XRN2: variants seen among roughly 807,000 people sequenced by gnomAD.
The protein encoded by XRN2 is DHM1-like protein.
XRN2 carries 44 observed loss-of-function variants against 138.5 expected under a neutral mutation model. The observed-to-expected ratio is 0.32, with a 90% confidence interval of 0.25 to 0.41. The LOEUF is 0.41. XRN2 is among the 10% of genes least tolerant of loss of function. XRN2 has a pLI of 1.00. For synonymous variants in XRN2, 354 were observed against 369.4 expected (o/e 0.96, Z 0.48); for missense variants, 937 against 1,169.3 (o/e 0.80, Z 2.90).
chr20:21,332,230 G>T lies in XRN2; in HGVS notation c.701-53G>T. 3.2e-6 allele frequency: 5 copies of T among 1,572,216 alleles called. No individual in the cohort carries two copies. The South Asian group carries it at 4.8e-5, about 15-fold the overall frequency. The stretch of plus-strand genomic sequence containing the variant: ...GGCATCTCATAGTAGTTTATGGTAA[G>T]ACTTCTCTCAGAATACTCACTGTTC... On this transcript the variant is annotated intron_variant, in intron 8 of 29. Coordinates refer to ENST00000377191, the MANE Select transcript of XRN2 (RefSeq NM_012255.5).
At chr20:21,303,729 C>A in intron 1 of XRN2, 1 of 1,232,060 alleles carries the variant, frequency 8.1e-7, no homozygotes, top group Non-Finnish European at 1.0e-6. Flanking sequence ...GGTCGCTCCT[C>A]CCCTACTCGC....
At chr20:21,318,768 T>G (rs2037996360) in intron 1 of XRN2, among the ~76,000 whole-genome samples, 1 of 152,142 alleles carries the variant, frequency 6.6e-6, no homozygotes, top group Non-Finnish European at 1.5e-5. Context: ...GCCAATTTTT[T>G]TTTCTCTTAA....
chr20:21,364,935 A>C (rs73130999), intron 24 of XRN2, among the ~76,000 whole-genome samples: 20,673 of 152,054 alleles, frequency 0.14, 1,788 homozygotes, highest in Non-Finnish European at 0.19. Flanking sequence ...TGTTAAGTCC[A>C]TCCCCCCCGC....
chr20:21,348,792 C>T (rs1397676204), intron 19 of XRN2, among the ~76,000 whole-genome samples: 23 of 151,982 alleles, frequency 1.5e-4, no homozygotes, highest in Non-Finnish European at 2.9e-4. Context: ...TATAGGTGCT[C>T]GCCACCACGC....
At chr20:21,383,177 G>A (rs1303789747) in intron 28 of XRN2, among the ~76,000 whole-genome samples, 1 of 152,120 alleles carries the variant, frequency 6.6e-6, no homozygotes, top group Non-Finnish European at 1.5e-5. Context: ...AATGCAATAC[G>A]ACTAGCAATG....
chr20:21,309,733 C>T (rs2037853290), intron 1 of XRN2, among the ~76,000 whole-genome samples: 1 of 151,824 alleles, frequency 6.6e-6, no homozygotes, highest in African/African-American at 2.4e-5. Flanking sequence ...TGTTTTCACT[C>T]CTGTTTTTAC....
intron 24 of XRN2, among the ~76,000 whole-genome samples, chr20:21,363,224 C>T (rs1014495941): frequency 6.6e-6 from 1 of 152,100 alleles, no homozygotes; most frequent in African/African-American, 2.4e-5. Flanking sequence ...CACTTTCTTC[C>T]TTATTTCCCT....
intron 24 of XRN2, among the ~76,000 whole-genome samples, chr20:21,364,446 G>A (rs902029328): frequency 1.3e-5 from 2 of 152,042 alleles, no homozygotes; most frequent in African/African-American, 2.4e-5. Context: ...CCACTACCAC[G>A]GCTATCACTA....
intron 24 of XRN2, among the ~76,000 whole-genome samples, chr20:21,362,898 A>AT (rs1391596560): frequency 6.6e-6 from 1 of 152,064 alleles, no homozygotes; most frequent in African/African-American, 2.4e-5. Flanking sequence ...CTCACTCATC[A>AT]TTTTTTGTAG....
intron 28 of XRN2, among the ~76,000 whole-genome samples, chr20:21,385,272 G>T (rs560283518): frequency 1.3e-5 from 2 of 152,252 alleles, no homozygotes; most frequent in Non-Finnish European, 2.9e-5. Context: ...TTTTTAGCCC[G>T]TGGGTTTTGC....
At position 21,364,085 on chromosome 20, in the gene XRN2, C is replaced by G. The variant is rs1174006328; in HGVS notation, c.2256-1336C>G. On this transcript the variant is annotated intron_variant, in intron 24 of 29. Transcript: ENST00000377191. ...TAGCTGGGACTACAGGCGCCCGCCA[C>G]CACGCCCAGCTAATTTTTTGTATTT... Among the ~76,000 whole-genome samples, 4 of 152,232 alleles carry G rather than the reference C, an allele frequency of 2.6e-5. No individual in the cohort carries two copies. In the East Asian group the frequency reaches 7.7e-4, roughly 29 times the overall value.
rs761622310 is a variant in XRN2, at chr20:21,377,264, C to CTTTTT, written c.2585-4720_2585-4716dup. ...CCAACATATGATTTGTCGGTTTTTTCTTTTTTTTTTTTTTGGTCAGTCTTG... is the reference window on the plus strand; with the variant it reads ...CCAACATATGATTTGTCGGTTTTTTCTTTTTTTTTTTTTTTTTTTGGTCAGTCTTG... On this transcript the variant is annotated intron_variant, in intron 27 of 29. Transcript: ENST00000377191. Among the ~76,000 whole-genome samples, 151 of 82,796 alleles carry CTTTTT rather than the reference C, an allele frequency of 1.8e-3. 14 individuals carry two copies. Among genetic ancestry groups the CTTTTT allele is most frequent in the African/African-American group, 1.7e-3 (31 of 18,682 alleles). The allele number at this position is 82,796 out of a possible 152,430, so 54.3% of individuals were successfully genotyped here. A position where few individuals can be genotyped will look rare whatever the true frequency, so the allele number is the denominator to read the frequency against.
chr20:21,333,685 C>T lies in XRN2; in HGVS notation c.934-19C>T, dbSNP rs760245936. On this transcript the variant is annotated intron_variant, in intron 10 of 29. Coordinates refer to ENST00000377191, the MANE Select transcript of XRN2 (RefSeq NM_012255.5). ...GTGCCTTTGATAGCTGTAATGGCAGCATTCCTTTTTGGTTGTAGTATTTGG... is the reference window on the plus strand; with the variant it reads ...GTGCCTTTGATAGCTGTAATGGCAGTATTCCTTTTTGGTTGTAGTATTTGG... 2 of 1,613,912 alleles carry T rather than the reference C, an allele frequency of 1.2e-6. No individual in the cohort carries two copies. The highest frequency in any genetic ancestry group is 3.3e-5 in the Admixed American group (2 of 60,024).
At chr20:21,367,545 A>G (rs945943690) in intron 26 of XRN2, among the ~76,000 whole-genome samples, 9 of 151,410 alleles carry the variant, frequency 5.9e-5, no homozygotes, top group Admixed American at 2.0e-4. Flanking sequence ...CACTTAATAT[A>G]CTTGTGAACT....
intron 27 of XRN2, among the ~76,000 whole-genome samples, chr20:21,381,162 G>C (rs1347461939): frequency 6.6e-6 from 1 of 152,146 alleles, no homozygotes; most frequent in Non-Finnish European, 1.5e-5. Flanking sequence ...ATGTGAGCCT[G>C]AATACATTAT....
chr20:21,355,292 T>TA (rs2038562604), intron 21 of XRN2, among the ~76,000 whole-genome samples: 2 of 152,298 alleles, frequency 1.3e-5, no homozygotes, highest in Admixed American at 1.3e-4. Context: ...CATATGCTCT[T>TA]AGAGTGCTAA....
At chr20:21,381,005 T>TAA (rs2038876836) in intron 27 of XRN2, among the ~76,000 whole-genome samples, 1 of 152,234 alleles carries the variant, frequency 6.6e-6, no homozygotes, top group Admixed American at 6.5e-5. Context: ...ATGGGGCTTT[T>TAA]AAAGCATGAT....
chr20:21,362,834 G>A (rs532346608), intron 24 of XRN2, among the ~76,000 whole-genome samples: 16 of 152,262 alleles, frequency 1.1e-4, no homozygotes, highest in African/African-American at 3.9e-4. Context: ...TTTGTGTCCT[G>A]TATCTCTAGA....
At chr20:21,319,434 T>G (rs2038007532) in intron 1 of XRN2, among the ~76,000 whole-genome samples, 1 of 152,164 alleles carries the variant, frequency 6.6e-6, no homozygotes, top group African/African-American at 2.4e-5. Flanking sequence ...ATGTCTCATG[T>G]CATTTTTCTC....
Sources: gnomAD v4.1 joint callset for allele counts (sites outside exome capture counted in the v4.1 genomes callset) on GRCh38, gnomAD v4.1.1 for gene constraint, MANE v1.5 for transcripts, NCBI Gene and HGNC (gene_info 2026-07-23, HGNC 2026-07-21) for gene names.